NSMF: variants seen among roughly 807,000 people sequenced by gnomAD.
NSMF encodes the protein NMDA receptor synaptonuclear signaling and neuronal migration factor.
Under a neutral mutation model 71.0 loss-of-function variants are expected in NSMF, and 31 were observed. The observed-to-expected ratio is 0.44, with a 90% CI of 0.33 to 0.59. The LOEUF (loss-of-function observed/expected upper bound fraction) is 0.59. Among genes scored for constraint, NSMF ranks in the 20% least tolerant of loss-of-function variants. NSMF has a pLI of 0.04. For synonymous variants in NSMF, 345 were observed against 287.1 expected (o/e 1.20, Z -2.04); for missense variants, 673 against 740.5 (o/e 0.91, Z 1.06).
At chr9:137,452,285 C>A in intron 12 of NSMF, 80 bp downstream of exon 12, 1 of 1,432,594 alleles carries the variant, frequency 7.0e-7, no homozygotes, top group South Asian at 1.1e-5. Flanking sequence ...TGGTCTCCCC[C>A]AACTTGACTT....
intron 9 of NSMF, 24 bp from the exon 10 acceptor site, chr9:137,452,843 G>A (rs780714669): frequency 5.9e-5 from 94 of 1,584,650 alleles, no homozygotes; most frequent in Non-Finnish European, 7.6e-5. Flanking sequence ...GAGCTGCTCA[G>A]GGGCCCCAGG....
intron 3 of NSMF, 38 bp downstream of exon 3, chr9:137,457,369 C>G: frequency 1.2e-6 from 2 of 1,612,614 alleles, no homozygotes; most frequent in Non-Finnish European, 1.7e-6. Context: ...GCGGCATGCA[C>G]CCCCAAACCT....
chr9:137,457,849 C>G lies in NSMF; in HGVS notation c.186G>C (p.Gln62His). 6.4e-7 allele frequency: 1 copy of G among 1,553,104 alleles called. No homozygotes were observed. The highest frequency in any genetic ancestry group is 8.7e-7 in the Non-Finnish European group (1 of 1,149,350). Residue 62 changes from glutamine (Q) to histidine (H), a missense_variant, in exon 3 of 16, where the codon CAG becomes CAC. This residue lies in a region of NSMF where 471 missense variants were observed against 459.6 expected (regional missense o/e 1.02). Coordinates refer to ENST00000371475, the MANE Select transcript of NSMF (RefSeq NM_001130969.3). ...GGCGGCGCTTGTTCTGGGGGGCCGG[C>G]TGCATCTCGGGGGACCCGTCGTGGC... ...YSGHDGSPEM[Q>H]PAPQNKRRLS...
rs1376222630 is a variant in NSMF at position 137,449,370 on chromosome 9, T to C, written c.*24A>G. The C allele has an allele frequency of 1.3e-6, 2 of 1,596,998 alleles. No homozygotes were observed. Among genetic ancestry groups the C allele is most frequent in the Non-Finnish European group, 1.7e-6 (2 of 1,166,254 alleles). The stretch of plus-strand genomic sequence containing the variant: ...CGGTGCAGAGGGAGTGGCCTGATGG[T>C]GACTGGGCGGAGGCCTCTGCCCCTC... On this transcript the variant is annotated 3_prime_UTR_variant, in exon 16 of 16. Transcript: ENST00000371475.
chr9:137,447,643 A>G lies in NSMF; in HGVS notation c.*1751T>C, dbSNP rs953185960. ...GCCCCCTCCCGGGACCCCATCTAGA[A>G]TGCCCTGGAAGAGCTGGAGGTGGCT... On this transcript the variant is annotated 3_prime_UTR_variant, in exon 16 of 16. Transcript: ENST00000371475. 6.7e-6 allele frequency: 1 copy of G among 149,944 alleles called. No individual in the cohort carries two copies. The highest frequency in any genetic ancestry group is 2.5e-5 in the African/African-American group (1 of 40,566). The allele number at this position is 149,944 out of a possible 1,614,324, so 9.3% of individuals were successfully genotyped here. A position where few individuals can be genotyped will look rare whatever the true frequency, so the allele number is the denominator to read the frequency against.
intron 2 of NSMF, 152 bp from the exon 3 acceptor site, chr9:137,458,053 C>A: frequency 8.9e-7 from 1 of 1,117,662 alleles, no homozygotes; most frequent in Non-Finnish European, 1.3e-6. Context: ...TGTTTCTGAG[C>A]CCCTCACTCC....
Position 137,452,552 on chromosome 9 carries a change from C to A in NSMF, c.1165+1G>T. 6.2e-7 allele frequency: 1 copy of A among 1,612,662 alleles called. No homozygotes were observed. The highest frequency in any genetic ancestry group is 8.5e-7 in the Non-Finnish European group (1 of 1,179,960). On this transcript the variant is annotated splice_donor_variant, in intron 11 of 15. Transcript: ENST00000371475. LOFTEE classifies it high-confidence loss of function. The stretch of plus-strand genomic sequence containing the variant: ...AGAGAGAAGGCCAATGAGGCACATA[C>A]CAAGGATGTCCTCGAAGGTTGCGTG...
At position 137,456,207 on chromosome 9, in the gene NSMF, TG is replaced by T. The variant is rs375727289; in HGVS notation, c.704+203del. Among the ~76,000 whole-genome samples, 2,602 of 102,874 alleles carry T rather than the reference TG, an allele frequency of 0.025. 65 individuals carry two copies. The highest frequency in any genetic ancestry group is 0.07 in the African/African-American group (2,003 of 28,706). 67.5% of individuals were successfully genotyped at this position (102,874 alleles called of 152,430 possible). On this transcript the variant is annotated intron_variant, in intron 4 of 15. Coordinates refer to ENST00000371475, the MANE Select transcript of NSMF (RefSeq NM_001130969.3). ...GCCAGGTCCCCTGACTGTGTGTGTG[TG>T]GGGGGGGGGGCTGGGCACCAGCCAT... is the stretch of plus-strand genomic sequence containing the variant.
chr9:137,457,324 A>G, intron 3 of NSMF, 83 bp downstream of exon 3: 1 of 1,584,152 alleles, frequency 6.3e-7, no homozygotes, highest in Non-Finnish European at 8.7e-7. Context: ...CTCTGTTCCA[A>G]GCCTCACAGT....
chr9:137,457,838 T>C lies in NSMF; in HGVS notation c.197A>G (p.Gln66Arg). The C allele has an allele frequency of 6.4e-7, 1 of 1,554,206 alleles. No individual in the cohort carries two copies. Among genetic ancestry groups the C allele is most frequent in the Non-Finnish European group, 8.7e-7 (1 of 1,149,512 alleles). Residue 66 changes from glutamine (Q) to arginine (R), a missense_variant, in exon 3 of 16, where the codon CAG becomes CGG. Physicochemically the swap from Gln to Arg is conservative, Grantham distance 43. Transcript: ENST00000371475. ...GACGAGGGACAGGCGGCGCTTGTTC[T>C]GGGGGGCCGGCTGCATCTCGGGGGA... ...DGSPEMQPAP[Q>R]NKRRLSLVSN...
At chr9:137,458,628 C>G (rs1830994607) in intron 1 of NSMF, 79 bp from the exon 2 acceptor site, 3 of 1,358,408 alleles carry the variant, frequency 2.2e-6, no homozygotes, top group Admixed American at 2.0e-5. Flanking sequence ...GCCGGGGGTC[C>G]GGTCCCCAGC....
In NSMF at chr9:137,453,795, G is replaced by T; in HGVS notation, c.858C>A (p.Ser286Arg). 6.3e-7 allele frequency: 1 copy of T among 1,597,536 alleles called. No homozygotes were observed. The change falls in exon 8 of 16, where the codon AGC becomes AGA. Residue 286 changes from serine (S) to arginine (R), a missense_variant. By Grantham distance (110) the Ser-to-Arg change is moderately radical. Around this residue, in one of 2 missense-constraint regions of NSMF, gnomAD observed 471 missense variants for 459.6 expected, o/e 1.02. Transcript: ENST00000371475. This position sits in a 1 kb window ranked among gnomAD's most constrained non-coding sequence, Gnocchi z 4.5. ...AQTFAERRER[S>R]FSRSWSDPTP... The stretch of plus-strand genomic sequence containing the variant: ...TGGGGTCGCTCCAGGACCGGCTGAA[G>T]CTCCGCTCGCGCCGCTCAGCGAACG...
In NSMF at chr9:137,457,454, C is replaced by T; in HGVS notation, c.581G>A (p.Gly194Asp). ...CATCCTCTCCAGCTTCTTGCGGCGA[C>T]CGGAGGTCTCAGGCAGAGGTGGCTG... ...LDQPPLPETSGRRKKLERMYS... is the reference protein window; with the variant it reads ...LDQPPLPETSDRRKKLERMYS... Residue 194 changes from glycine to aspartate, a missense_variant, in exon 3 of 16, where the codon GGT becomes GAT. By Grantham distance (94) the Gly-to-Asp change is moderately conservative. Around this residue, in one of 2 missense-constraint regions of NSMF, gnomAD observed 471 missense variants for 459.6 expected, o/e 1.02. Transcript: ENST00000371475. 6.2e-7 allele frequency: 1 copy of T among 1,612,876 alleles called. No homozygotes were observed. The highest frequency in any genetic ancestry group is 1.6e-4 in the Middle Eastern group (1 of 6,062).
At chr9:137,458,884 G>C (rs1831021228) in intron 1 of NSMF, 148 bp downstream of exon 1, 1 of 654,784 alleles carries the variant, frequency 1.5e-6, no homozygotes, top group Non-Finnish European at 2.4e-6. Context: ...CAGGGGACCA[G>C]GAAGAGGGAG....
chr9:137,456,020 C>T (rs986839213), intron 4 of NSMF, among the ~76,000 whole-genome samples: 2 of 152,188 alleles, frequency 1.3e-5, no homozygotes, highest in South Asian at 2.1e-4. Context: ...CAGGTCCCTG[C>T]GGGGACCCTG....
chr9:137,457,935 G>A (rs922090351), intron 2 of NSMF, 34 bp from the exon 3 acceptor site: 6 of 1,536,782 alleles, frequency 3.9e-6, no homozygotes, highest in South Asian at 3.6e-5. Context: ...TGCCTGCCGC[G>A]TGTGGGCCCC....
At position 137,453,029 on chromosome 9, in the gene NSMF, A is replaced by G. The variant is rs1334608704; in HGVS notation, c.1047+27T>C. The G allele has an allele frequency of 3.7e-6, 6 of 1,611,346 alleles. No individual in the cohort carries two copies. Among genetic ancestry groups the G allele is most frequent in the Non-Finnish European group, 4.2e-6 (5 of 1,179,866 alleles). On this transcript the variant is annotated intron_variant, in intron 9 of 15. Transcript: ENST00000371475. This position sits in a 1 kb window ranked among gnomAD's most constrained non-coding sequence, Gnocchi z 4.5. ...GGGCGGAGTCCTGCTCGGGGTGTAG[A>G]GGAGCACTGCCCGGGCTGGGCCTCA...
Position 137,453,146 on chromosome 9 carries a change from G to A in NSMF, c.957C>T (p.Asp319=), listed in dbSNP as rs773193497. ...SDLQSSHCTL[D]EAFEDLDWDT... ...CCCAGTCCAGGTCCTCGAAGGCCTC[G>A]TCCAGCGTGCAGTGGGAGCTCTGCA... Residue 319 remains aspartate (D), a synonymous_variant, in exon 9 of 16, where the codon GAC becomes GAT. Transcript: ENST00000371475. This position sits in a 1 kb window ranked among gnomAD's most constrained non-coding sequence, Gnocchi z 4.5. 11 of 1,612,548 alleles carry A rather than the reference G, an allele frequency of 6.8e-6. No individual in the cohort carries two copies. The highest frequency in any genetic ancestry group is 8.5e-6 in the Non-Finnish European group (10 of 1,179,912).
In NSMF at chr9:137,453,905, C is replaced by T; in HGVS notation, c.833-85G>A. The stretch of plus-strand genomic sequence containing the variant: ...CCCCAGGCGAGGGGACCACAGGGGC[C>T]CTGGGCAGAGGAGGAAGCTAATGTG... On this transcript the variant is annotated intron_variant, in intron 7 of 15. Transcript: ENST00000371475. This position sits in a 1 kb window ranked among gnomAD's most constrained non-coding sequence, Gnocchi z 4.5. 1 of 1,186,754 alleles carries T rather than the reference C, an allele frequency of 8.4e-7. No individual in the cohort carries two copies. Among genetic ancestry groups the T allele is most frequent in the Non-Finnish European group, 1.2e-6 (1 of 832,900 alleles). The allele number at this position is 1,186,754 out of a possible 1,614,324, so 73.5% of individuals were successfully genotyped here.
Sources: allele counts gnomAD v4.1 joint callset (sites outside exome capture counted in the v4.1 genomes callset), GRCh38; gene constraint gnomAD v4.1.1; regional missense constraint gnomAD v4.1.1; non-coding constraint Gnocchi (gnomAD v3.1); transcripts MANE v1.5; gene names NCBI Gene and HGNC (gene_info 2026-07-23, HGNC 2026-07-21).